MYLK: variants seen among roughly 807,000 people sequenced by gnomAD.
The protein encoded by MYLK is myosin light chain kinase, smooth muscle.
In MYLK, 106 loss-of-function variants were observed where a neutral mutation model predicts 203.4. That is an observed-to-expected ratio of 0.52 (90% CI 0.45 to 0.61). The LOEUF (loss-of-function observed/expected upper bound fraction) is 0.61, where lower values mean the gene tolerates loss of function less well. Among genes scored for constraint, MYLK ranks in the 20% least tolerant of loss-of-function variants. The pLI, the probability that MYLK is intolerant of heterozygous loss-of-function variation, is 0.00. For missense variants in MYLK, 2,072 were observed against 2,442.3 expected (o/e 0.85, Z 3.20); for synonymous variants, 867 against 959.5 (o/e 0.90, Z 1.78).
chr3:123,800,635 T>C (rs1274189162), intron 3 of MYLK, among the ~76,000 whole-genome samples: 1 of 152,178 alleles, frequency 6.6e-6, no homozygotes, highest in Non-Finnish European at 1.5e-5. Flanking sequence ...TGATGCCCTG[T>C]CCAGACCTTT....
intron 23 of MYLK, among the ~76,000 whole-genome samples, chr3:123,660,360 G>A (rs1267231987): frequency 6.6e-6 from 1 of 152,124 alleles, no homozygotes; most frequent in Non-Finnish European, 1.5e-5. Flanking sequence ...GGGTATTTGG[G>A]GTTCTCTCTA....
Position 123,640,226 on chromosome 3 carries a change from T to C in MYLK, c.4837+61A>G. ...TGTATGTTTCCTCTCACACTCAGTG[T>C]GAGAGGAAACGGCCAGTGCAATACA... On this transcript the variant is annotated intron_variant, in intron 28 of 33. Transcript: ENST00000360304. This position sits in a 1 kb window ranked among gnomAD's most constrained non-coding sequence, Gnocchi z 4.3. 6.8e-7 allele frequency: 1 copy of C among 1,481,284 alleles called. No individual in the cohort carries two copies. 91.8% of individuals were successfully genotyped at this position (1,481,284 alleles called of 1,614,324 possible).
chr3:123,685,516 C>T (rs1372400058), intron 19 of MYLK, among the ~76,000 whole-genome samples: 1 of 151,338 alleles, frequency 6.6e-6, no homozygotes. Flanking sequence ...TCACCTGAGC[C>T]CACAGAGCTT....
intron 13 of MYLK, chr3:123,716,503 T>C (rs1464033451): frequency 6.6e-6 from 1 of 152,036 alleles, no homozygotes; most frequent in East Asian, 1.9e-4. Context: ...ACGTATAATA[T>C]CCCAAAAAAG....
chr3:123,630,821 A>G (rs2058384437), intron 29 of MYLK: 1 of 152,190 alleles, frequency 6.6e-6, no homozygotes, highest in Non-Finnish European at 1.5e-5. Context: ...TCAAAACAAA[A>G]TAGAGCAGAT....
intron 6 of MYLK, among the ~76,000 whole-genome samples, chr3:123,739,422 A>T (rs2062788180): frequency 6.6e-6 from 1 of 152,204 alleles, no homozygotes; most frequent in East Asian, 1.9e-4. Flanking sequence ...GAGGCTCTGC[A>T]GTCTCTCGTC....
chr3:123,675,868 TA>T (rs929013476), intron 20 of MYLK, among the ~76,000 whole-genome samples: 5 of 152,164 alleles, frequency 3.3e-5, no homozygotes, highest in African/African-American at 1.2e-4. Context: ...CCCTACTGTA[TA>T]CGCTGGTCTC....
intron 3 of MYLK, chr3:123,799,781 G>GA (rs2065127934): frequency 6.6e-6 from 1 of 152,434 alleles, no homozygotes; most frequent in Non-Finnish European, 1.5e-5. Context: ...GACTTGCTAT[G>GA]ACCTACCGGA....
chr3:123,720,686 C>A (rs1275136036), intron 13 of MYLK, among the ~76,000 whole-genome samples: 1 of 152,212 alleles, frequency 6.6e-6, no homozygotes, highest in Non-Finnish European at 1.5e-5. Flanking sequence ...CAGAATCTGG[C>A]TGCAAATTCC....
At chr3:123,872,277 A>G (rs1357566661) in intron 2 of MYLK, among the ~76,000 whole-genome samples, 3 of 152,162 alleles carry the variant, frequency 2.0e-5, no homozygotes, top group Admixed American at 6.6e-5. Context: ...TTATCTGGCT[A>G]TTATGACCTG....
chr3:123,637,124 GA>G (rs1334745226), intron 29 of MYLK, among the ~76,000 whole-genome samples: 1 of 152,032 alleles, frequency 6.6e-6, no homozygotes, highest in Non-Finnish European at 1.5e-5. Flanking sequence ...CTTTTGTTCT[GA>G]CAGTAAAAAC....
chr3:123,625,806 CAAAAA>C (rs11288924), intron 31 of MYLK, among the ~76,000 whole-genome samples: 2 of 95,034 alleles, frequency 2.1e-5, no homozygotes, highest in Admixed American at 2.0e-4. Context: ...GACTCCATCT[CAAAAA>C]AAAAAAAAAA....
At chr3:123,646,136 CAACA>C (rs2059013157) in intron 27 of MYLK, among the ~76,000 whole-genome samples, 1 of 152,060 alleles carries the variant, frequency 6.6e-6, no homozygotes, top group Non-Finnish European at 1.5e-5. Context: ...ACAACAACAA[CAACA>C]AACAAACCAA....
chr3:123,777,619 G>A (rs2064127772), intron 4 of MYLK, among the ~76,000 whole-genome samples: 1 of 152,232 alleles, frequency 6.6e-6, no homozygotes, highest in Non-Finnish European at 1.5e-5. Flanking sequence ...AGGCAGATGA[G>A]GCGAAGAGCA....
chr3:123,685,988 A>G (rs1208257252), intron 19 of MYLK, among the ~76,000 whole-genome samples: 1 of 152,152 alleles, frequency 6.6e-6, no homozygotes, highest in Non-Finnish European at 1.5e-5. Flanking sequence ...CTGTGCATGC[A>G]CCACGGGGCC....
At chr3:123,740,144 T>C (rs146404923) in intron 5 of MYLK, 143 bp from the exon 6 acceptor site, 18 of 794,670 alleles carry the variant, frequency 2.3e-5, no homozygotes, top group Non-Finnish European at 2.9e-5. Context: ...CTATGGATAC[T>C]ATGGTAGGTG....
At chr3:123,875,084 T>C (rs2033062930) in intron 2 of MYLK, among the ~76,000 whole-genome samples, 1 of 152,082 alleles carries the variant, frequency 6.6e-6, no homozygotes, top group African/African-American at 2.4e-5. Flanking sequence ...TTCCATTACA[T>C]TTACCATACC....
chr3:123,617,473 A>T (rs940464669), intron 33 of MYLK: 2 of 152,276 alleles, frequency 1.3e-5, no homozygotes, highest in African/African-American at 4.8e-5. Flanking sequence ...TGACTATGGT[A>T]GGCGAAGCAT....
intron 2 of MYLK, chr3:123,836,073 A>G (rs2066468815): frequency 6.6e-6 from 1 of 152,238 alleles, no homozygotes; most frequent in South Asian, 2.1e-4. Context: ...AAGCATAAAA[A>G]TGAACGTTTC....
Sources: gnomAD v4.1 joint callset for allele counts (sites outside exome capture counted in the v4.1 genomes callset) on GRCh38, gnomAD v4.1.1 for gene constraint, Gnocchi (gnomAD v3.1) non-coding constraint, MANE v1.5 for transcripts, NCBI Gene and HGNC (gene_info 2026-07-23, HGNC 2026-07-21) for gene names.